The following CUL3 variants were observed in gnomAD, a reference collection of about 807,000 sequenced individuals.
The protein encoded by CUL3 is cullin-3.
CUL3 carries 19 observed loss-of-function variants against 89.1 expected under a neutral mutation model. The observed-to-expected ratio is 0.21, with a 90% CI of 0.15 to 0.31. CUL3 has a LOEUF of 0.31. Ranked by LOEUF, CUL3 falls within the 10% of genes least tolerant of loss-of-function variation. The pLI is 1.00. For synonymous variants in CUL3, 351 were observed against 308.4 expected (o/e 1.14, Z -1.45); for missense variants, 469 against 942.3 (o/e 0.50, Z 6.58).
chr2:224,573,169 AATCT>A lies in CUL3; in HGVS notation c.66+11771_66+11774del, dbSNP rs535907727. Among the ~76,000 whole-genome samples, 281 of 152,346 alleles carry A rather than the reference AATCT, an allele frequency of 1.8e-3. 2 individuals carry two copies. Among genetic ancestry groups the A allele is most frequent in the Admixed American group, 4.1e-3 (62 of 15,304 alleles). On this transcript the variant is annotated intron_variant, in intron 1 of 15. Coordinates refer to ENST00000264414, the MANE Select transcript of CUL3 (RefSeq NM_003590.5). Reference sequence around the variant, plus strand: ...GTATTTCTAATACATTTTACTGTTTAATCTATCTCTTTAGTATATTCTTAAAGAC... The same window carrying A: ...GTATTTCTAATACATTTTACTGTTTAATCTCTTTAGTATATTCTTAAAGAC...
intron 6 of CUL3, among the ~76,000 whole-genome samples, chr2:224,507,405 G>T (rs1346048757): frequency 1.3e-5 from 2 of 152,030 alleles, no homozygotes; most frequent in African/African-American, 4.8e-5. Context: ...TACAAAAAGG[G>T]TCACTAATTA....
intron 13 of CUL3, among the ~76,000 whole-genome samples, chr2:224,486,406 T>C (rs993433791): frequency 1.3e-5 from 2 of 151,870 alleles, no homozygotes; most frequent in Non-Finnish European, 2.9e-5. Context: ...GAATAACCAG[T>C]TTAGAGAAGA....
intron 13 of CUL3, among the ~76,000 whole-genome samples, chr2:224,491,893 T>C (rs1366605527): frequency 6.6e-6 from 1 of 152,216 alleles, no homozygotes; most frequent in Non-Finnish European, 1.5e-5. Flanking sequence ...AATATCTTAA[T>C]AACGATCTTT....
chr2:224,500,623 TTTTC>T, intron 10 of CUL3, 136 bp from the exon 11 acceptor site: 3 of 752,364 alleles, frequency 4.0e-6, no homozygotes, highest in Non-Finnish European at 5.7e-6. Context: ...GCAGATTTTC[TTTTC>T]TTTTTTTTTT....
chr2:224,473,780 G>C lies in CUL3; in HGVS notation c.*465C>G. ...ATTAAATAAGACTAGCTAAAGAAAT[G>C]TCTTCAGAGCAAGATAACTGGGAAA... On this transcript the variant is annotated 3_prime_UTR_variant, in exon 16 of 16. Transcript: ENST00000264414. The C allele has an allele frequency of 5.2e-6, 1 of 190,670 alleles. No homozygotes were observed. Among genetic ancestry groups the C allele is most frequent in the Non-Finnish European group, 1.1e-5 (1 of 90,710 alleles). 11.8% of individuals were successfully genotyped at this position (190,670 alleles called of 1,614,324 possible).
At chr2:224,569,856 G>C (rs1163800733) in intron 1 of CUL3, 34 of 972,792 alleles carry the variant, frequency 3.5e-5, no homozygotes, top group Non-Finnish European at 4.0e-5. Context: ...GTGGGTGGGG[G>C]AAAGGGTGAG....
intron 6 of CUL3, 32 bp from the exon 7 acceptor site, chr2:224,507,035 T>C: frequency 1.9e-6 from 3 of 1,591,552 alleles, no homozygotes; most frequent in East Asian, 4.5e-5. Flanking sequence ...TTGGCTACAT[T>C]AAAGATTAAA....
rs974683215 is a variant in CUL3, at chr2:224,471,504, C to T, written c.*2741G>A. On this transcript the variant is annotated 3_prime_UTR_variant, in exon 16 of 16. Coordinates refer to ENST00000264414, the MANE Select transcript of CUL3 (RefSeq NM_003590.5). ...CCAACATATCCGGTGAACAAAACAT[C>T]AACAGTGCTTCACTATGAGAAGGAT... 1.0e-5 allele frequency: 2 copies of T among 194,036 alleles called. No homozygotes were observed. Among genetic ancestry groups the T allele is most frequent in the Admixed American group, 1.2e-4 (2 of 16,384 alleles). 12.0% of individuals were successfully genotyped at this position (194,036 alleles called of 1,614,324 possible).
At chr2:224,516,456 A>G (rs1218461905) in intron 3 of CUL3, among the ~76,000 whole-genome samples, 2 of 151,058 alleles carry the variant, frequency 1.3e-5, no homozygotes, top group Non-Finnish European at 2.9e-5. Context: ...ACCTGGGACT[A>G]CAGGCGCCTG....
intron 1 of CUL3, among the ~76,000 whole-genome samples, chr2:224,573,002 C>T (rs1309103158): frequency 6.6e-6 from 1 of 152,072 alleles, no homozygotes; most frequent in Non-Finnish European, 1.5e-5. Context: ...CACTTTTAGC[C>T]CTCAAAAATT....
At chr2:224,521,103 T>C (rs1693243116) in intron 3 of CUL3, among the ~76,000 whole-genome samples, 1 of 152,194 alleles carries the variant, frequency 6.6e-6, no homozygotes, top group African/African-American at 2.4e-5. Context: ...ACTACTTAAT[T>C]TACCTGCAAG....
chr2:224,541,777 G>T (rs1694115402), intron 2 of CUL3, among the ~76,000 whole-genome samples: 1 of 152,030 alleles, frequency 6.6e-6, no homozygotes, highest in South Asian at 2.1e-4. Context: ...TAATTATGCT[G>T]AATGAAAGAA....
intron 1 of CUL3, among the ~76,000 whole-genome samples, chr2:224,571,233 C>T (rs1574706127): frequency 6.6e-6 from 1 of 152,106 alleles, no homozygotes; most frequent in South Asian, 2.1e-4. Context: ...CTTACAGACC[C>T]TCTATATTAA....
At chr2:224,553,460 A>T (rs1406278197) in intron 2 of CUL3, among the ~76,000 whole-genome samples, 1 of 152,204 alleles carries the variant, frequency 6.6e-6, no homozygotes, top group Non-Finnish European at 1.5e-5. Context: ...ATATTTTAAA[A>T]TTTATTTAGT....
rs368165751 is a variant in CUL3 at position 224,549,459 on chromosome 2, G to A, written c.264+8200C>T. 2.2e-3 allele frequency among the ~76,000 whole-genome samples: 328 copies of A among 152,020 alleles called. 4 individuals carry two copies. Among genetic ancestry groups the A allele is most frequent in the African/African-American group, 7.1e-3 (295 of 41,464 alleles). ...AAGACACATAATCATAATTTTTAAA[G>A]TTCTTTGGGCTAAAACGACCAACTC... On this transcript the variant is annotated intron_variant, in intron 2 of 15. Coordinates refer to ENST00000264414, the MANE Select transcript of CUL3 (RefSeq NM_003590.5).
intron 1 of CUL3, among the ~76,000 whole-genome samples, chr2:224,565,302 C>T (rs1574701832): frequency 6.6e-6 from 1 of 152,106 alleles, no homozygotes; most frequent in African/African-American, 2.4e-5. Context: ...AGTGGATTGT[C>T]ATAAAGGTCC....
chr2:224,516,574 C>G (rs1470803159), intron 3 of CUL3, among the ~76,000 whole-genome samples: 1 of 151,984 alleles, frequency 6.6e-6, no homozygotes, highest in Non-Finnish European at 1.5e-5. Flanking sequence ...CTTGGCCTCC[C>G]AAAATGCTGG....
chr2:224,473,330 T>C lies in CUL3; in HGVS notation c.*915A>G, dbSNP rs760530227. 7.2e-5 allele frequency: 14 copies of C among 193,988 alleles called. No individual in the cohort carries two copies. Among genetic ancestry groups the C allele is most frequent in the Non-Finnish European group, 1.3e-4 (12 of 92,818 alleles). The allele number at this position is 193,988 out of a possible 1,614,324, so 12.0% of individuals were successfully genotyped here. ...GTATTTATAAACAAAGTATAGACTG[T>C]ATGTGCTTTTCAGAGGGGCTGAATT... On this transcript the variant is annotated 3_prime_UTR_variant, in exon 16 of 16. Coordinates refer to ENST00000264414, the MANE Select transcript of CUL3 (RefSeq NM_003590.5).
Position 224,472,071 on chromosome 2 carries a change from T to G in CUL3, c.*2174A>C, listed in dbSNP as rs144017210. On this transcript the variant is annotated 3_prime_UTR_variant, in exon 16 of 16. Coordinates refer to ENST00000264414, the MANE Select transcript of CUL3 (RefSeq NM_003590.5). ...CTTATGCAGTCAAACATATAAACAT[T>G]TTGTGTGACCAGTTTTTTCAGTGCA... 9 of 230,480 alleles carry G rather than the reference T, an allele frequency of 3.9e-5. No homozygotes were observed. In the East Asian group the frequency reaches 4.4e-4, roughly 11 times the overall value. The allele number at this position is 230,480 out of a possible 1,614,324, so 14.3% of individuals were successfully genotyped here. A position where few individuals can be genotyped will look rare whatever the true frequency, so the allele number is the denominator to read the frequency against.
Sources: allele counts gnomAD v4.1 joint callset (sites outside exome capture counted in the v4.1 genomes callset), GRCh38; gene constraint gnomAD v4.1.1; transcripts MANE v1.5; gene names NCBI Gene and HGNC (gene_info 2026-07-23, HGNC 2026-07-21).